AKT3: variants seen among roughly 807,000 people sequenced by gnomAD.
AKT3 encodes the protein AKT serine/threonine kinase 3.
Under a neutral mutation model 65.3 loss-of-function variants are expected in AKT3, and 15 were observed. That is an observed-to-expected ratio of 0.23 (90% CI 0.15 to 0.35). The LOEUF (loss-of-function observed/expected upper bound fraction) is 0.35, where lower values mean the gene tolerates loss of function less well. AKT3 is among the 10% of genes least tolerant of loss of function. The probability of loss-of-function intolerance (pLI) is 1.00; values close to 1 mark genes in which losing one functional copy is unlikely to be tolerated. For synonymous variants in AKT3, 206 were observed against 183.8 expected (o/e 1.12, Z -0.98); for missense variants, 243 against 576.5 (o/e 0.42, Z 5.92).
At chr1:243,798,223 T>G (rs1692151861) in intron 2 of AKT3, among the ~76,000 whole-genome samples, 1 of 144,378 alleles carries the variant, frequency 6.9e-6, no homozygotes, top group African/African-American at 2.6e-5. Context: ...TTTTTTTTTT[T>G]TTTTAAGACA....
At chr1:243,650,100 G>A (rs1681189530) in intron 4 of AKT3, among the ~76,000 whole-genome samples, 1 of 152,080 alleles carries the variant, frequency 6.6e-6, no homozygotes, top group Non-Finnish European at 1.5e-5. Flanking sequence ...TTTAATGATT[G>A]CCATTCTAAC....
At chr1:243,565,383 C>G (rs957502678) in intron 9 of AKT3, among the ~76,000 whole-genome samples, 4 of 152,182 alleles carry the variant, frequency 2.6e-5, no homozygotes, top group African/African-American at 9.7e-5. Context: ...GCCACCATGC[C>G]TGGCTAATTT....
intron 2 of AKT3, among the ~76,000 whole-genome samples, chr1:243,806,920 T>G (rs1692763266): frequency 6.6e-6 from 1 of 152,136 alleles, no homozygotes; most frequent in Admixed American, 6.6e-5. Context: ...AAATATGGAT[T>G]ACATATGGCC....
Position 243,795,463 on chromosome 1 carries a change from T to TTG in AKT3, c.46+47661_46+47662insCA, listed in dbSNP as rs1553454105. The stretch of plus-strand genomic sequence containing the variant: ...TTGATCTCCTTGTTTTTTTTTTTTG[T>TTG]TTTTTTTTTTTGGTTTTTTTTTTTT... On this transcript the variant is annotated intron_variant, in intron 2 of 13. Coordinates refer to ENST00000673466, the MANE Select transcript of AKT3 (RefSeq NM_005465.7). Among the ~76,000 whole-genome samples, 256 of 78,796 alleles carry TTG rather than the reference T, an allele frequency of 3.2e-3. 2 individuals are homozygous for TTG. The highest frequency in any genetic ancestry group is 5.9e-3 in the Non-Finnish European group (197 of 33,408). The allele number at this position is 78,796 out of a possible 152,430, so 51.7% of individuals were successfully genotyped here.
At chr1:243,642,528 C>T (rs1185305929) in intron 5 of AKT3, among the ~76,000 whole-genome samples, 4 of 152,184 alleles carry the variant, frequency 2.6e-5, no homozygotes, top group East Asian at 1.9e-4. Flanking sequence ...CCAGGATGGT[C>T]TCGATCTCCT....
chr1:243,655,219 T>C (rs1221255327), intron 4 of AKT3, among the ~76,000 whole-genome samples: 4 of 152,176 alleles, frequency 2.6e-5, no homozygotes, highest in African/African-American at 9.6e-5. Flanking sequence ...AGTTTGCTAT[T>C]AAAGCCATCT....
At chr1:243,617,624 C>T (rs1678428097) in intron 6 of AKT3, among the ~76,000 whole-genome samples, 1 of 151,950 alleles carries the variant, frequency 6.6e-6, no homozygotes, top group African/African-American at 2.4e-5. Flanking sequence ...GTCAACGGGG[C>T]TGTAAGGGAG....
intron 2 of AKT3, among the ~76,000 whole-genome samples, chr1:243,738,623 A>C (rs1238900591): frequency 1.3e-5 from 2 of 152,176 alleles, no homozygotes; most frequent in Admixed American, 1.3e-4. Context: ...AGTATACATA[A>C]ATGTCTCCAG....
chr1:243,804,584 C>A (rs963764667), intron 2 of AKT3, among the ~76,000 whole-genome samples: 5 of 152,162 alleles, frequency 3.3e-5, no homozygotes, highest in East Asian at 1.9e-4. Context: ...CGGTGGCTCA[C>A]GCCTGTAATC....
intron 2 of AKT3, among the ~76,000 whole-genome samples, chr1:243,837,702 T>C (rs1181093751): frequency 6.6e-6 from 1 of 152,152 alleles, no homozygotes; most frequent in African/African-American, 2.4e-5. Context: ...CCACTCATGA[T>C]AAAAACTCTC....
At chr1:243,685,925 A>C (rs1684259538) in intron 3 of AKT3, among the ~76,000 whole-genome samples, 2 of 152,326 alleles carry the variant, frequency 1.3e-5, no homozygotes, top group South Asian at 4.1e-4. Flanking sequence ...TACAAAATCA[A>C]TGTGCAAAAA....
chr1:243,826,841 C>T (rs939413469), intron 2 of AKT3, among the ~76,000 whole-genome samples: 1 of 152,148 alleles, frequency 6.6e-6, no homozygotes, highest in Non-Finnish European at 1.5e-5. Context: ...ATGTACAATT[C>T]CTTTAATTTA....
chr1:243,640,145 G>C (rs896142888), intron 5 of AKT3, among the ~76,000 whole-genome samples: 1 of 152,058 alleles, frequency 6.6e-6, no homozygotes, highest in Non-Finnish European at 1.5e-5. Context: ...AGATAGCAGG[G>C]AAAATAATAA....
At chr1:243,610,115 T>C (rs1485221625) in intron 8 of AKT3, among the ~76,000 whole-genome samples, 1 of 152,244 alleles carries the variant, frequency 6.6e-6, no homozygotes, top group African/African-American at 2.4e-5. Context: ...ATATGTATTT[T>C]TGAAATAAAA....
chr1:243,568,009 T>G (rs1202210840), intron 9 of AKT3, among the ~76,000 whole-genome samples: 1 of 152,204 alleles, frequency 6.6e-6, no homozygotes, highest in South Asian at 2.1e-4. Context: ...TTGGTTCATT[T>G]AACACTAACA....
intron 8 of AKT3, among the ~76,000 whole-genome samples, chr1:243,580,968 C>T (rs1675299578): frequency 6.6e-6 from 1 of 152,148 alleles, no homozygotes; most frequent in Admixed American, 6.5e-5. Flanking sequence ...TTGAGTCACC[C>T]CACCCCTCCT....
At chr1:243,496,892 A>T (rs1668053560), downstream of AKT3, among the ~76,000 whole-genome samples, 1 of 152,236 alleles carries the variant, frequency 6.6e-6, no homozygotes, top group Non-Finnish European at 1.5e-5. Flanking sequence ...GTGCCTGCAG[A>T]TGGGGGCACG....
At chr1:243,489,640 C>T (rs1195136293) in intron 13 of AKT3, among the ~76,000 whole-genome samples, 1 of 152,224 alleles carries the variant, frequency 6.6e-6, no homozygotes, top group Admixed American at 6.5e-5. Context: ...GCTTGCAGAG[C>T]ACCCGGCAGT....
chr1:243,630,670 T>TA (rs202077121), intron 6 of AKT3, among the ~76,000 whole-genome samples: 69 of 150,834 alleles, frequency 4.6e-4, no homozygotes, highest in Middle Eastern at 3.4e-3. Context: ...TGCTTTTTTT[T>TA]AAAAAAAAAA....
Sources: gnomAD v4.1 joint callset for allele counts (sites outside exome capture counted in the v4.1 genomes callset) on GRCh38, gnomAD v4.1.1 for gene constraint, MANE v1.5 for transcripts, NCBI Gene and HGNC (gene_info 2026-07-23, HGNC 2026-07-21) for gene names.